DNAH9: variants seen among roughly 807,000 people sequenced by gnomAD.
DNAH9 encodes the protein DNAH9 variant protein.
Under a neutral mutation model 471.6 loss-of-function variants are expected in DNAH9, and 345 were observed. The observed-to-expected ratio is 0.73, with a 90% confidence interval of 0.67 to 0.80. The LOEUF is 0.80. Among genes scored for constraint, DNAH9 ranks in the 30% least tolerant of loss-of-function variants. The pLI, the probability that DNAH9 is intolerant of heterozygous loss-of-function variation, is 0.00. For missense variants in DNAH9, 5,407 were observed against 5,609.2 expected, an observed-to-expected ratio of 0.96 and a Z score of 1.15; for synonymous variants, 2,093 against 2,123.6, an observed-to-expected ratio of 0.99 and a Z score of 0.40.
chr17:11,662,709 A>G (rs539596509), intron 14 of DNAH9, among the ~76,000 whole-genome samples: 58 of 143,142 alleles, frequency 4.1e-4, no homozygotes, highest in Non-Finnish European at 6.4e-4. Context: ...GCAGTCCACT[A>G]ATTTGCTGAT....
chr17:11,645,971 C>T (rs2073379649), intron 11 of DNAH9, among the ~76,000 whole-genome samples: 1 of 151,334 alleles, frequency 6.6e-6, no homozygotes, highest in Non-Finnish European at 1.5e-5. Flanking sequence ...GCTCCGCCTC[C>T]CGGGTTCACG....
intron 41 of DNAH9, 87 bp from the exon 42 acceptor site, chr17:11,793,416 T>G: frequency 8.2e-7 from 1 of 1,225,504 alleles, no homozygotes; most frequent in Non-Finnish European, 1.2e-6. Context: ...CATCCCAGGT[T>G]AGATAAAATG....
At chr17:11,742,904 C>G (rs1387124455) in intron 30 of DNAH9, among the ~76,000 whole-genome samples, 1 of 152,236 alleles carries the variant, frequency 6.6e-6, no homozygotes. Flanking sequence ...AACAGGCTCT[C>G]TCAGCCATGT....
chr17:11,812,219 ACAGT>A (rs1969954493), intron 45 of DNAH9, among the ~76,000 whole-genome samples: 1 of 151,124 alleles, frequency 6.6e-6, no homozygotes, highest in Non-Finnish European at 1.5e-5. Context: ...AATTGAGAAA[ACAGT>A]CAGTGTACAA....
At position 11,929,024 on chromosome 17, in the gene DNAH9, CTTTTTTTTTTTTTT is replaced by C. The variant is rs71142254; in HGVS notation, c.11878-831_11878-818del. ...TTGGAAGATGACCAAGTGTTACAGC[CTTTTTTTTTTTTTT>C]TTTTTTTTTTATTTGAGACGGAGTC... On this transcript the variant is annotated intron_variant, in intron 62 of 68. Transcript: ENST00000262442. Among the ~76,000 whole-genome samples the C allele has an allele frequency of 6.8e-5, 7 of 102,916 alleles. No homozygotes were observed. The South Asian group carries it at 2.6e-3, about 38-fold the overall frequency. 67.5% of individuals were successfully genotyped at this position (102,916 alleles called of 152,430 possible). A position where few individuals can be genotyped will look rare whatever the true frequency, so the allele number is the denominator to read the frequency against.
rs575644174 is a variant in DNAH9, at chr17:11,766,588, A to G, written c.7171-1865A>G. On this transcript the variant is annotated intron_variant, in intron 36 of 68. Transcript: ENST00000262442. ...GTCCTCCAGGTTAAAGGGCAGAGAG[A>G]AAACAGTGAACTGTGAGAGCCCAGG... is the stretch of plus-strand genomic sequence containing the variant. Among the ~76,000 whole-genome samples the G allele has an allele frequency of 7.9e-5, 12 of 152,324 alleles. No individual in the cohort carries two copies. In the South Asian group the frequency reaches 2.5e-3, roughly 32 times the overall value.
chr17:11,908,821 T>C (rs1973691688), intron 61 of DNAH9, among the ~76,000 whole-genome samples: 1 of 152,202 alleles, frequency 6.6e-6, no homozygotes. Context: ...GGCAGAGCCT[T>C]CCGCGGATGC....
rs1018949692 is a variant in DNAH9 at position 11,962,426 on chromosome 17, A to G, written c.13233+170A>G. ...TTATTTAGCCAGGGGTGGTGCAAAG[A>G]GCGTAAGTTTTGCAGAGGCAGTAGA... On this transcript the variant is annotated intron_variant, in intron 68 of 68. Transcript: ENST00000262442. The surrounding 1 kb of genome is among the most constrained non-coding windows in gnomAD (Gnocchi z 4.1). Among the ~76,000 whole-genome samples the G allele has an allele frequency of 5.3e-5, 8 of 152,168 alleles. No individual in the cohort carries two copies. The highest frequency in any genetic ancestry group is 1.9e-4 in the African/African-American group (8 of 41,444).
intron 28 of DNAH9, 37 bp downstream of exon 28, chr17:11,727,959 C>T (rs1239507653): frequency 3.8e-6 from 5 of 1,314,212 alleles, no homozygotes; most frequent in Non-Finnish European, 5.5e-6. Context: ...TTGTGGTCTT[C>T]ATATTGATTA....
At chr17:11,637,537 G>A (rs1230992955) in intron 9 of DNAH9, among the ~76,000 whole-genome samples, 1 of 152,090 alleles carries the variant, frequency 6.6e-6, no homozygotes, top group African/African-American at 2.4e-5. Flanking sequence ...GTTCGAGGCT[G>A]CAGGAGCTAT....
intron 27 of DNAH9, among the ~76,000 whole-genome samples, chr17:11,726,547 T>C (rs1221995713): frequency 6.6e-6 from 1 of 152,216 alleles, no homozygotes; most frequent in Non-Finnish European, 1.5e-5. Flanking sequence ...TTCACCTCTT[T>C]GGCAAAACTG....
chr17:11,667,988 C>T (rs2073903527), intron 15 of DNAH9, among the ~76,000 whole-genome samples: 1 of 152,128 alleles, frequency 6.6e-6, no homozygotes, highest in Admixed American at 6.5e-5. Flanking sequence ...ATAACGGGCT[C>T]CTAAATATAA....
In DNAH9 at chr17:11,784,366, A is replaced by C. The variant is rs200343051; in HGVS notation, c.7888A>C (p.Ile2630Leu). Residue 2630 changes from isoleucine (I) to leucine (L), a missense_variant, in exon 41 of 69, where the codon ATC becomes CTC. By Grantham distance (5) the Ile-to-Leu change is conservative. Coordinates refer to ENST00000262442, the MANE Select transcript of DNAH9 (RefSeq NM_001372.4). ...ADALSSIYSI[I>L]LTQHLKLGNF... is the part of the protein sequence containing the mutation. ...TGCCCTGTCCTCTATCTACAGCATC[A>C]TCCTCACTCAGCATCTGAAGCTCGG... is the stretch of plus-strand genomic sequence containing the variant. The C allele has an allele frequency of 1.0e-4, 165 of 1,614,152 alleles. No homozygotes were observed. The highest frequency in any genetic ancestry group is 1.4e-4 in the Non-Finnish European group (160 of 1,180,030).
intron 35 of DNAH9, among the ~76,000 whole-genome samples, chr17:11,761,065 T>G (rs1967644769): frequency 6.6e-6 from 1 of 152,270 alleles, no homozygotes; most frequent in Non-Finnish European, 1.5e-5. Context: ...AGCTTTATTT[T>G]ATTTCCTACT....
At position 11,693,967 on chromosome 17, in the gene DNAH9, CT is replaced by C; in HGVS notation, c.4715del (p.Leu1572ArgfsTer42). 6.2e-7 allele frequency: 1 copy of C among 1,614,176 alleles called. No individual in the cohort carries two copies. Among genetic ancestry groups the C allele is most frequent in the East Asian group, 2.2e-5 (1 of 44,874 alleles). On this transcript the variant is annotated frameshift_variant, in exon 21 of 69. Transcript: ENST00000262442. LOFTEE classifies it high-confidence loss of function. ...NVVQTTNKPG[L>X]YEKLEDIQGR... ...AGTGCAAACCACCAACAAGCCAGGCCTGTATGAAAAGCTGGAGGATATTCAG... is the reference window on the plus strand; with the variant it reads ...AGTGCAAACCACCAACAAGCCAGGCCGTATGAAAAGCTGGAGGATATTCAG...
chr17:11,822,763 A>T (rs199881015), intron 47 of DNAH9, 38 bp from the exon 48 acceptor site: 45 of 1,609,886 alleles, frequency 2.8e-5, no homozygotes, highest in Admixed American at 2.5e-4. Context: ...AATCTTCAAC[A>T]CAAGATAATC....
chr17:11,618,359 G>A (rs34718427), intron 5 of DNAH9, among the ~76,000 whole-genome samples: 4,689 of 152,060 alleles, frequency 0.031, 107 homozygotes, highest in South Asian at 0.05. Context: ...AGGCTGAGGC[G>A]GGCAGATCAC....
chr17:11,860,836 C>G (rs907588448), intron 50 of DNAH9, among the ~76,000 whole-genome samples: 1 of 152,184 alleles, frequency 6.6e-6, no homozygotes, highest in Non-Finnish European at 1.5e-5. Context: ...GCTGGGATTA[C>G]AGGGGTGAGC....
chr17:11,854,389 T>C lies in DNAH9; in HGVS notation c.9894T>C (p.Ala3298=). The C allele has an allele frequency of 6.2e-7, 1 of 1,613,526 alleles. No individual in the cohort carries two copies. Among genetic ancestry groups the C allele is most frequent in the Non-Finnish European group, 8.5e-7 (1 of 1,179,612 alleles). ...ALNKATADLT[A]AQEKLAAIKA... ...ACAAAGCCACCGCGGACCTCACAGC[T>C]GCCCAGGAGAAGCTGGCTGCCATCA... Residue 3298 remains alanine (A), a synonymous_variant, in exon 50 of 69, where the codon GCT becomes GCC. Transcript: ENST00000262442.
Sources: allele counts gnomAD v4.1 joint callset (sites outside exome capture counted in the v4.1 genomes callset), GRCh38; gene constraint gnomAD v4.1.1; non-coding constraint Gnocchi (gnomAD v3.1); transcripts MANE v1.5; gene names NCBI Gene and HGNC (gene_info 2026-07-23, HGNC 2026-07-21).